Variants in FRMPD1 observed in about 807,000 individuals in gnomAD.
The protein encoded by FRMPD1 is FERM and PDZ domain containing 1, also known as FERM and PDZ domain-containing protein 1.
Under a neutral mutation model 117.8 loss-of-function variants are expected in FRMPD1, and 76 were observed. That is an observed-to-expected ratio of 0.65 (90% CI 0.54 to 0.78). The LOEUF (loss-of-function observed/expected upper bound fraction) is 0.78, where lower values mean the gene tolerates loss of function less well. Ranked by LOEUF, FRMPD1 falls within the 30% of genes least tolerant of loss-of-function variation. The pLI, the probability that FRMPD1 is intolerant of heterozygous loss-of-function variation, is 0.00. For synonymous variants in FRMPD1, 783 were observed against 770.4 expected, an observed-to-expected ratio of 1.02 and a Z score of -0.27; for missense variants, 1,786 against 1,964.5, an observed-to-expected ratio of 0.91 and a Z score of 1.72.
At chr9:37,631,491 G>C in the FRMPD1 span, among the ~76,000 whole-genome samples, 1 of 152,222 alleles carries the variant, frequency 6.6e-6, no homozygotes. Flanking sequence ...TGTCGAAAGA[G>C]ACAAATAATT....
chr9:37,628,327 C>T, the FRMPD1 span, among the ~76,000 whole-genome samples: 2 of 151,846 alleles, frequency 1.3e-5, no homozygotes, highest in African/African-American at 2.4e-5. Context: ...GGAGTTTTAC[C>T]GGAAAATGTG....
intron 5 of FRMPD1, among the ~76,000 whole-genome samples, chr9:37,712,439 G>A (rs1470169463): frequency 1.3e-5 from 2 of 152,096 alleles, no homozygotes; most frequent in African/African-American, 2.4e-5. Flanking sequence ...CACTGCAACC[G>A]CCACCTCCTG....
At chr9:37,700,952 T>A (rs549073628) in intron 2 of FRMPD1, among the ~76,000 whole-genome samples, 2 of 152,216 alleles carry the variant, frequency 1.3e-5, no homozygotes, top group African/African-American at 4.8e-5. Context: ...AGAGATCATT[T>A]CCTTTAGCTT....
chr9:37,701,391 G>A (rs1316963646), intron 2 of FRMPD1, among the ~76,000 whole-genome samples: 1 of 152,194 alleles, frequency 6.6e-6, no homozygotes, highest in Non-Finnish European at 1.5e-5. Flanking sequence ...GGTACATTTT[G>A]TAGGAGATAT....
At chr9:37,637,370 G>GT in the FRMPD1 span, 4 of 741,732 alleles carry the variant, frequency 5.4e-6, no homozygotes, top group East Asian at 1.0e-4. Context: ...GGCCGCCGAT[G>GT]TTTTTTCAAT....
At chr9:37,628,045 G>C in the FRMPD1 span, among the ~76,000 whole-genome samples, 1 of 152,180 alleles carries the variant, frequency 6.6e-6, no homozygotes. Flanking sequence ...AGACAAAAAG[G>C]AAAACCCAGT....
intron 1 of FRMPD1, among the ~76,000 whole-genome samples, chr9:37,681,875 C>T (rs565019740): frequency 6.6e-6 from 1 of 152,288 alleles, no homozygotes; most frequent in South Asian, 2.1e-4. Flanking sequence ...GACCTGAATC[C>T]ATACGAAGTT....
intron 5 of FRMPD1, 84 bp from the exon 6 acceptor site, chr9:37,718,985 T>A (rs1052985266): frequency 2.5e-6 from 2 of 797,232 alleles, no homozygotes; most frequent in Non-Finnish European, 4.4e-6. Flanking sequence ...TATCAAAGTT[T>A]CTGTTTTTAA....
intron 5 of FRMPD1, among the ~76,000 whole-genome samples, chr9:37,718,019 A>AT (rs1397587537): frequency 2.0e-5 from 3 of 151,768 alleles, no homozygotes; most frequent in Non-Finnish European, 2.9e-5. Context: ...TTTTCTACTA[A>AT]TTTTTTTTGT....
chr9:37,719,758 G>A (rs911297396), intron 6 of FRMPD1, among the ~76,000 whole-genome samples: 4 of 152,172 alleles, frequency 2.6e-5, no homozygotes, highest in African/African-American at 9.7e-5. Context: ...TGGTTCTTTG[G>A]TTTTTCACTA....
intron 15 of FRMPD1, among the ~76,000 whole-genome samples, chr9:37,742,368 G>A (rs1358314528): frequency 2.0e-5 from 3 of 152,228 alleles, no homozygotes; most frequent in African/African-American, 7.2e-5. Flanking sequence ...AGGAACATAT[G>A]GGGTTCATAC....
At chr9:37,722,291 A>G (rs557492735) in intron 6 of FRMPD1, among the ~76,000 whole-genome samples, 99 of 151,664 alleles carry the variant, frequency 6.5e-4, no homozygotes, top group Non-Finnish European at 1.0e-3. Flanking sequence ...CCTGAGCAAC[A>G]GGGTGAGACT....
At chr9:37,688,661 T>G (rs1396775175) in intron 1 of FRMPD1, among the ~76,000 whole-genome samples, 1 of 152,136 alleles carries the variant, frequency 6.6e-6, no homozygotes, top group South Asian at 2.1e-4. Context: ...CAATGATAGA[T>G]TTATTAAATA....
the FRMPD1 span, among the ~76,000 whole-genome samples, chr9:37,637,493 A>C: frequency 3.9e-5 from 6 of 152,244 alleles, no homozygotes; most frequent in South Asian, 6.2e-4. Flanking sequence ...ACAGAGATAC[A>C]GAATAGTTCC....
intron 1 of FRMPD1, among the ~76,000 whole-genome samples, chr9:37,673,134 C>T (rs1212300896): frequency 6.6e-6 from 1 of 152,192 alleles, no homozygotes; most frequent in African/African-American, 2.4e-5. Flanking sequence ...GTCCCTTCTG[C>T]CTATGAGCCT....
chr9:37,623,990 G>C, the FRMPD1 span, among the ~76,000 whole-genome samples: 1 of 152,200 alleles, frequency 6.6e-6, no homozygotes, highest in South Asian at 2.1e-4. Flanking sequence ...TATGGTTCGG[G>C]GCCCCAGCGG....
intron 1 of FRMPD1, among the ~76,000 whole-genome samples, chr9:37,678,714 T>C (rs148965202): frequency 2.1e-3 from 318 of 152,360 alleles, no homozygotes; most frequent in African/African-American, 7.3e-3. Context: ...GCCAGGCACA[T>C]AGAGGATACT....
upstream of FRMPD1, among the ~76,000 whole-genome samples, chr9:37,646,380 C>G (rs141661926): frequency 6.6e-6 from 1 of 152,304 alleles, no homozygotes; most frequent in African/African-American, 2.4e-5. Context: ...CGTTTTAGAT[C>G]TGAAAGAGAC....
chr9:37,648,173 C>T (rs941424395), upstream of FRMPD1, among the ~76,000 whole-genome samples: 4 of 147,584 alleles, frequency 2.7e-5, no homozygotes, highest in African/African-American at 1.0e-4. Flanking sequence ...AGGAAAAAAA[C>T]CAAGAACTGA....
Sources: allele counts gnomAD v4.1 joint callset (sites outside exome capture counted in the v4.1 genomes callset), GRCh38; gene constraint gnomAD v4.1.1; transcripts MANE v1.5; gene names NCBI Gene and HGNC (gene_info 2026-07-23, HGNC 2026-07-21).